FDFT1: variants seen among roughly 807,000 people sequenced by gnomAD.
FDFT1 encodes the protein squalene synthase.
FDFT1 carries 68 observed loss-of-function variants against 46.8 expected under a neutral mutation model. The ratio of observed to expected loss-of-function variants is 1.45; its 90% CI spans 1.19 to 1.78. The LOEUF is 1.78. Among genes scored for constraint, FDFT1 ranks in the 40% most tolerant of loss-of-function variants. The pLI is 0.00. For missense variants in FDFT1, 928 were observed against 524.4 expected (o/e 1.77, Z -7.52); for synonymous variants, 351 against 185.1 (o/e 1.90, Z -7.28).
At chr8:11,814,156 A>G (rs1341695433) in intron 3 of FDFT1, among the ~76,000 whole-genome samples, 2 of 152,202 alleles carry the variant, frequency 1.3e-5, no homozygotes, top group African/African-American at 2.4e-5. Flanking sequence ...TCCAACGGAG[A>G]TTCAGGGATT....
At chr8:11,815,232 G>A (rs1808290194) in intron 3 of FDFT1, among the ~76,000 whole-genome samples, 1 of 152,144 alleles carries the variant, frequency 6.6e-6, no homozygotes, top group Non-Finnish European at 1.5e-5. Context: ...GTATTCCATG[G>A]TGTATATGTG....
At chr8:11,831,885 A>G in intron 7 of FDFT1, 1 of 491,294 alleles carries the variant, frequency 2.0e-6, no homozygotes, top group Non-Finnish European at 3.6e-6. Context: ...GAGAGGAGAT[A>G]AATGGAGCAA....
chr8:11,826,205 G>C lies in FDFT1; in HGVS notation c.692G>C (p.Trp231Ser). The change falls in exon 5 of 8, where the codon TGG becomes TCG. Residue 231 changes from tryptophan to serine, a missense_variant. Transcript: ENST00000220584. ...GACCAGCAAGGAGGAAGAGAGTTCT[G>C]GCCTCAAGAGGTAACAGATTCAGGG... The part of the protein sequence containing the change: ...LEDQQGGREF[W>S]PQEVWSRYVK... 6.5e-7 allele frequency: 1 copy of C among 1,541,638 alleles called. No individual in the cohort carries two copies. Among genetic ancestry groups the C allele is most frequent in the Non-Finnish European group, 8.8e-7 (1 of 1,131,044 alleles).
rs564455236 is a variant in FDFT1, at chr8:11,830,203, T to A, written c.703-41T>A. On this transcript the variant is annotated intron_variant, in intron 5 of 7. Coordinates refer to ENST00000220584, the MANE Select transcript of FDFT1 (RefSeq NM_004462.5). ...AATATTGTTTGTAAATTCTCCCCTATGCACACGCTGACCTGTTCCTTAATC... is the reference window on the plus strand; with the variant it reads ...AATATTGTTTGTAAATTCTCCCCTAAGCACACGCTGACCTGTTCCTTAATC... 73 of 1,478,796 alleles carry A rather than the reference T, an allele frequency of 4.9e-5. No individual in the cohort carries two copies. In the South Asian group the frequency reaches 7.9e-4, roughly 16 times the overall value. 91.6% of individuals were successfully genotyped at this position (1,478,796 alleles called of 1,614,324 possible).
rs537032941 is a variant in FDFT1 at position 11,809,373 on chromosome 8, C to T, written c.198-294C>T. The T allele has an allele frequency of 2.3e-5, 26 of 1,143,616 alleles. No individual in the cohort carries two copies. The East Asian group carries it at 7.0e-4, about 31-fold the overall frequency. 70.8% of individuals were successfully genotyped at this position (1,143,616 alleles called of 1,614,324 possible). On this transcript the variant is annotated intron_variant, in intron 2 of 7. Coordinates refer to ENST00000220584, the MANE Select transcript of FDFT1 (RefSeq NM_004462.5). ...TTGCTACATATTAGTTCGGTCTAAA[C>T]GTTTGGTCTTCTGGTCTCCATAGTT...
At chr8:11,808,154 G>T in intron 1 of FDFT1, 2 of 623,080 alleles carry the variant, frequency 3.2e-6, no homozygotes, top group Non-Finnish European at 4.1e-6. Context: ...TGGTAAAACT[G>T]GGCGATGCAA....
intron 1 of FDFT1, chr8:11,803,456 C>A: frequency 7.8e-7 from 1 of 1,279,102 alleles, no homozygotes; most frequent in South Asian, 1.3e-5. Flanking sequence ...AATCGCCTAT[C>A]TACGCTTCCA....
At chr8:11,813,906 CA>C (rs141758890) in intron 3 of FDFT1, among the ~76,000 whole-genome samples, 23,997 of 152,220 alleles carry the variant, frequency 0.16, 2,147 homozygotes, top group African/African-American at 0.23. Flanking sequence ...AAGCCCTGTC[CA>C]TCCTCTGGGT....
At chr8:11,831,069 C>T (rs1373637241) in intron 6 of FDFT1, among the ~76,000 whole-genome samples, 1 of 152,156 alleles carries the variant, frequency 6.6e-6, no homozygotes, top group Non-Finnish European at 1.5e-5. Flanking sequence ...GGAAATTAAT[C>T]CCCTTCTGGT....
intron 7 of FDFT1, among the ~76,000 whole-genome samples, chr8:11,838,171 T>TG (rs1014327924): frequency 6.6e-6 from 1 of 152,220 alleles, no homozygotes; most frequent in African/African-American, 2.4e-5. Context: ...CTGTGCCTCC[T>TG]GTTTGCTCAG....
chr8:11,801,304 T>A (rs1020668182), upstream of FDFT1, among the ~76,000 whole-genome samples: 1 of 152,178 alleles, frequency 6.6e-6, no homozygotes, highest in Non-Finnish European at 1.5e-5. Flanking sequence ...CTTTGGGCAG[T>A]GAACGTACCT....
intron 3 of FDFT1, among the ~76,000 whole-genome samples, chr8:11,813,011 C>G (rs1021654055): frequency 2.0e-5 from 3 of 150,244 alleles, no homozygotes; most frequent in African/African-American, 7.5e-5. Context: ...CTACTACAGA[C>G]GTAGGCTCTG....
intron 5 of FDFT1, among the ~76,000 whole-genome samples, chr8:11,826,888 G>A (rs548527374): frequency 7.9e-5 from 12 of 152,140 alleles, no homozygotes; most frequent in African/African-American, 2.9e-4. Context: ...TGAGTTCTCT[G>A]GCCTCGCCTG....
chr8:11,801,917 T>G (rs1217988127), upstream of FDFT1: 3 of 451,468 alleles, frequency 6.6e-6, no homozygotes, highest in Admixed American at 4.7e-5. Context: ...TCTCGATCTC[T>G]TGACCTCGTG....
intron 7 of FDFT1, among the ~76,000 whole-genome samples, chr8:11,836,784 C>T (rs1373339792): frequency 1.3e-5 from 2 of 152,164 alleles, no homozygotes; most frequent in Non-Finnish European, 2.9e-5. Context: ...GCCTGTAATC[C>T]CAGCCCTTTG....
intron 7 of FDFT1, among the ~76,000 whole-genome samples, chr8:11,837,804 A>T (rs1304144573): frequency 6.6e-6 from 1 of 152,164 alleles, no homozygotes; most frequent in East Asian, 1.9e-4. Context: ...CTCAGGGCCT[A>T]ATCTCAGGCA....
intron 4 of FDFT1, among the ~76,000 whole-genome samples, chr8:11,824,060 G>C (rs750919173): frequency 1.4e-4 from 21 of 151,926 alleles, no homozygotes; most frequent in Non-Finnish European, 2.8e-4. Flanking sequence ...ATGAGGTCTT[G>C]CTTTGTTGGC....
chr8:11,802,911 G>T lies in FDFT1; in HGVS notation c.79G>T (p.Val27Leu). 6.2e-7 allele frequency: 1 copy of T among 1,610,480 alleles called. No homozygotes were observed. Residue 27 changes from valine to leucine, a missense_variant, in exon 1 of 8, where the codon GTG becomes TTG. Val to Leu is a conservative substitution (Grantham distance 32, BLOSUM62 1). Transcript: ENST00000220584. ...CTTCCGGATCGGGGGCAAGCGGAAG[G>T]TGATGCCCAAGATGGACCAGGTGGG... Reference protein sequence around the residue: ...VRFRIGGKRKVMPKMDQDSLS... With the variant: ...VRFRIGGKRKLMPKMDQDSLS...
intron 1 of FDFT1, 29 bp downstream of exon 1, chr8:11,802,960 G>T: frequency 6.3e-7 from 1 of 1,574,830 alleles, no homozygotes; most frequent in Non-Finnish European, 8.6e-7. Context: ...CTTGCCCGGG[G>T]CGGGGAAGGA....
Sources: allele counts gnomAD v4.1 joint callset (sites outside exome capture counted in the v4.1 genomes callset), GRCh38; gene constraint gnomAD v4.1.1; transcripts MANE v1.5; gene names NCBI Gene and HGNC (gene_info 2026-07-23, HGNC 2026-07-21).